The following UGGT2 variants were observed in gnomAD, a reference collection of about 807,000 sequenced individuals.
UGGT2 encodes UDP-glucose glycoprotein glucosyltransferase 2, also known as UDP-glucose:glycoprotein glucosyltransferase 2.
UGGT2 carries 180 observed loss-of-function variants against 192.1 expected under a neutral mutation model. The observed-to-expected ratio is 0.94, with a 90% CI of 0.83 to 1.06. The LOEUF (loss-of-function observed/expected upper bound fraction) is 1.06, where lower values mean the gene tolerates loss of function less well. UGGT2 is among the 50% of genes least tolerant of loss of function. The pLI, the probability that UGGT2 is intolerant of heterozygous loss-of-function variation, is 0.00. For synonymous variants in UGGT2, 580 were observed against 591.0 expected, an observed-to-expected ratio of 0.98 and a Z score of 0.27; for missense variants, 1,849 against 1,795.7, an observed-to-expected ratio of 1.03 and a Z score of -0.54.
At chr13:95,971,488 G>C (rs1172275046) in intron 11 of UGGT2, among the ~76,000 whole-genome samples, 3 of 152,072 alleles carry the variant, frequency 2.0e-5, no homozygotes, top group Non-Finnish European at 2.9e-5. Flanking sequence ...GTAGGAGCTG[G>C]GGGGTTTTAT....
intron 17 of UGGT2, among the ~76,000 whole-genome samples, chr13:95,927,667 T>C (rs184472693): frequency 2.6e-5 from 4 of 152,112 alleles, no homozygotes; most frequent in East Asian, 3.9e-4. Context: ...GTTGTTTTTT[T>C]AAATTTTTTT....
intron 36 of UGGT2, among the ~76,000 whole-genome samples, chr13:95,842,379 G>C (rs530842628): frequency 2.0e-5 from 3 of 152,200 alleles, no homozygotes; most frequent in Admixed American, 6.5e-5. Context: ...TATTTTTAGA[G>C]TCATCCATGT....
At chr13:96,035,730 C>T (rs535087750) in intron 1 of UGGT2, among the ~76,000 whole-genome samples, 34 of 152,030 alleles carry the variant, frequency 2.2e-4, no homozygotes, top group Non-Finnish European at 3.8e-4. Flanking sequence ...ACAAACGACC[C>T]CATTAAAAAG....
chr13:95,902,626 C>T (rs1449274673), intron 21 of UGGT2, among the ~76,000 whole-genome samples: 1 of 151,852 alleles, frequency 6.6e-6, no homozygotes, highest in South Asian at 2.1e-4. Flanking sequence ...ATGCCATCAA[C>T]TTTAAGAATC....
At chr13:95,886,658 G>C (rs1297265545) in intron 26 of UGGT2, among the ~76,000 whole-genome samples, 1 of 152,184 alleles carries the variant, frequency 6.6e-6, no homozygotes, top group East Asian at 1.9e-4. Flanking sequence ...CAAGAGTCTT[G>C]AGGGACAATG....
intron 20 of UGGT2, among the ~76,000 whole-genome samples, chr13:95,904,083 C>G (rs1281782405): frequency 6.6e-6 from 1 of 151,958 alleles, no homozygotes; most frequent in African/African-American, 2.4e-5. Flanking sequence ...ATTTCTAAGA[C>G]TTAAGGGCTT....
intron 1 of UGGT2, among the ~76,000 whole-genome samples, chr13:96,049,479 G>T (rs979028520): frequency 2.0e-5 from 3 of 152,072 alleles, no homozygotes; most frequent in Non-Finnish European, 2.9e-5. Context: ...TTCTGGCCAG[G>T]GCAATCAGGC....
At chr13:96,039,004 G>A (rs925443842) in intron 1 of UGGT2, among the ~76,000 whole-genome samples, 2 of 152,134 alleles carry the variant, frequency 1.3e-5, no homozygotes, top group African/African-American at 4.8e-5. Context: ...GGAGAGACAG[G>A]CATAGGATGG....
At chr13:95,889,692 A>G (rs1465880518) in intron 25 of UGGT2, among the ~76,000 whole-genome samples, 2 of 152,224 alleles carry the variant, frequency 1.3e-5, no homozygotes, top group Non-Finnish European at 2.9e-5. Context: ...GGTAAGCCAC[A>G]TAAGTCCTTT....
In UGGT2 at chr13:95,990,137, A is replaced by G. The variant is rs959521358; in HGVS notation, c.831-64T>C. 3.0e-6 allele frequency: 3 copies of G among 1,011,964 alleles called. No homozygotes were observed. In the African/African-American group the frequency reaches 4.9e-5, roughly 16 times the overall value. The allele number at this position is 1,011,964 out of a possible 1,614,324, so 62.7% of individuals were successfully genotyped here. A position where few individuals can be genotyped will look rare whatever the true frequency, so the allele number is the denominator to read the frequency against. On this transcript the variant is annotated intron_variant, in intron 7 of 38. Coordinates refer to ENST00000376747, the MANE Select transcript of UGGT2 (RefSeq NM_020121.4). ...TATCACAAACCATTATACAAACAGC[A>G]TATTTTTGAAATTACATATTCCATG...
chr13:95,981,863 A>G (rs2051136767), intron 10 of UGGT2, among the ~76,000 whole-genome samples: 1 of 152,146 alleles, frequency 6.6e-6, no homozygotes, highest in Admixed American at 6.5e-5. Flanking sequence ...CTTCTCCCAC[A>G]TCTCATGAGC....
At position 95,933,360 on chromosome 13, in the gene UGGT2, A is replaced by T. The variant is rs186752054; in HGVS notation, c.1977+3564T>A. Among the ~76,000 whole-genome samples, 4 of 152,310 alleles carry T rather than the reference A, an allele frequency of 2.6e-5. No individual in the cohort carries two copies. The East Asian group carries it at 7.7e-4, about 29-fold the overall frequency. On this transcript the variant is annotated intron_variant, in intron 17 of 38. Transcript: ENST00000376747. Reference sequence around the variant, plus strand: ...TCTAGATTTTCCAGTTTGTATGCATAGAGGTCTTCTGAGGATCTTCTGTAT... The same window carrying T: ...TCTAGATTTTCCAGTTTGTATGCATTGAGGTCTTCTGAGGATCTTCTGTAT...
chr13:95,803,685 G>A (rs948225374), intron 38 of UGGT2, among the ~76,000 whole-genome samples: 2 of 152,168 alleles, frequency 1.3e-5, no homozygotes, highest in African/African-American at 4.8e-5. Flanking sequence ...AAGCCTGCCA[G>A]TTGTACACCG....
chr13:96,002,767 G>T (rs2051848391), intron 5 of UGGT2, among the ~76,000 whole-genome samples: 1 of 152,184 alleles, frequency 6.6e-6, no homozygotes, highest in Non-Finnish European at 1.5e-5. Flanking sequence ...CATTTTATAT[G>T]ATGTTATTGT....
chr13:96,015,324 T>C (rs2052299908), intron 4 of UGGT2, among the ~76,000 whole-genome samples: 1 of 150,512 alleles, frequency 6.6e-6, no homozygotes, highest in African/African-American at 2.4e-5. Flanking sequence ...CCAATAAAAC[T>C]ATGCTAGGAG....
At position 95,804,652 on chromosome 13, in the gene UGGT2, A is replaced by G. The variant is rs530571736; in HGVS notation, c.4529-2840T>C. On this transcript the variant is annotated intron_variant, in intron 38 of 38. Transcript: ENST00000376747. ...AAATAAACTCTTGTGTATATGATCA[A>G]TTCATCTTTGATAAGGATGCCAAGA... Among the ~76,000 whole-genome samples the G allele has an allele frequency of 3.0e-4, 46 of 152,336 alleles. 2 individuals are homozygous for G. In the South Asian group the frequency reaches 6.0e-3, roughly 20 times the overall value.
intron 12 of UGGT2, among the ~76,000 whole-genome samples, chr13:95,962,712 G>A (rs776430737): frequency 4.6e-5 from 7 of 152,142 alleles, no homozygotes; most frequent in Admixed American, 2.6e-4. Context: ...AGCATTACCC[G>A]GATACCAAAA....
chr13:96,014,068 T>C (rs2052249753), intron 4 of UGGT2, among the ~76,000 whole-genome samples: 1 of 152,140 alleles, frequency 6.6e-6, no homozygotes, highest in Admixed American at 6.5e-5. Context: ...CTACCATCAC[T>C]GAAACTTTTA....
intron 29 of UGGT2, among the ~76,000 whole-genome samples, chr13:95,869,006 G>C (rs1351408374): frequency 1.3e-5 from 2 of 151,410 alleles, no homozygotes; most frequent in African/African-American, 4.9e-5. Flanking sequence ...TTTAACATTA[G>C]GTATATCTCC....
Sources: allele counts gnomAD v4.1 joint callset (sites outside exome capture counted in the v4.1 genomes callset), GRCh38; gene constraint gnomAD v4.1.1; transcripts MANE v1.5; gene names NCBI Gene and HGNC (gene_info 2026-07-23, HGNC 2026-07-21).